The following EPG5 variants were observed in gnomAD, a reference collection of about 807,000 sequenced individuals.
EPG5 encodes ectopic P granules protein 5 homolog.
A neutral mutation model predicts 302.7 loss-of-function variants in EPG5; 159 were observed. That is an observed-to-expected ratio of 0.53 (90% CI 0.46 to 0.60). The LOEUF is 0.60. Ranked by LOEUF, EPG5 falls within the 20% of genes least tolerant of loss-of-function variation. EPG5 has a pLI of 0.00. For missense variants in EPG5, 2,896 were observed against 3,092.4 expected (o/e 0.94, Z 1.51); for synonymous variants, 1,158 against 1,136.8 (o/e 1.02, Z -0.37).
At position 45,916,157 on chromosome 18, in the gene EPG5, A is replaced by G; in HGVS notation, c.3434T>C (p.Val1145Ala). The G allele has an allele frequency of 6.2e-7, 1 of 1,614,098 alleles. No individual in the cohort carries two copies. Among genetic ancestry groups the G allele is most frequent in the African/African-American group, 1.3e-5 (1 of 75,046 alleles). ...GAGAGCCTGAACCCAGAACTCCAAC[A>G]CAGCAACGGGGCCCACTTCATTGGG... is the stretch of plus-strand genomic sequence containing the variant. Reference protein sequence around the residue: ...TQPNEVGPVAVLEFWVQALIS... With the variant: ...TQPNEVGPVAALEFWVQALIS... Residue 1145 changes from valine to alanine, a missense_variant, in exon 19 of 44, where the codon GTG becomes GCG. Physicochemically the swap from Val to Ala is moderately conservative, Grantham distance 64. Coordinates refer to ENST00000282041, the MANE Select transcript of EPG5 (RefSeq NM_020964.3).
chr18:45,913,711 G>A lies in EPG5; in HGVS notation c.3811C>T (p.Leu1271=). 6.2e-7 allele frequency: 1 copy of A among 1,614,064 alleles called. No homozygotes were observed. Among genetic ancestry groups the A allele is most frequent in the Non-Finnish European group, 8.5e-7 (1 of 1,179,974 alleles). ...TGCAGAACTGCTATTTGTACCTTCA[G>A]AGCTTGGTCAGGGGTGAAAGCAGAG... ...INSAFTPDQA[L]KKAQTQLKLP... is the part of the protein sequence containing the mutation. The change falls in exon 21 of 44, where the codon CTG becomes TTG. Residue 1271 remains leucine (L), a synonymous_variant. Transcript: ENST00000282041.
chr18:45,828,897 C>T, the EPG5 span, among the ~76,000 whole-genome samples: 5 of 152,320 alleles, frequency 3.3e-5, no homozygotes, highest in South Asian at 6.2e-4. Flanking sequence ...AGGTCAGGAC[C>T]GGAGGACATG....
At chr18:45,917,610 G>A in intron 17 of EPG5, 69 bp downstream of exon 17, 2 of 1,569,954 alleles carry the variant, frequency 1.3e-6, no homozygotes, top group South Asian at 1.2e-5. Flanking sequence ...TAAGAAACCA[G>A]AAGACACAAT....
rs2049301523 is a variant in EPG5, at chr18:45,889,797, C to T, written c.4952+1G>A. ...CAAATTATAATGCCTGCAAAACTTA[C>T]GTGATCAAGTTTTCTGCATGTACAG... On this transcript the variant is annotated splice_donor_variant, in intron 28 of 43. Transcript: ENST00000282041. LOFTEE classifies it high-confidence loss of function. 1 of 1,597,990 alleles carries T rather than the reference C, an allele frequency of 6.3e-7. No homozygotes were observed.
At position 45,955,302 on chromosome 18, in the gene EPG5, A is replaced by C; in HGVS notation, c.100T>G (p.Ser34Ala). Reference sequence around the variant, plus strand: ...GTTTTTGGAAGGGAGACTTCACTGGACTCTTCCCTCTGAGGAGTTTCATAC... The same window carrying C: ...GTTTTTGGAAGGGAGACTTCACTGGCCTCTTCCCTCTGAGGAGTTTCATAC... ...KKYETPQREE[S>A]SEVSLPKTSR... The change falls in exon 2 of 44, where the codon TCC (serine) becomes GCC (alanine). Residue 34 changes from serine (S) to alanine (A), a missense_variant. Physicochemically the swap from Ser to Ala is moderately conservative, Grantham distance 99. Transcript: ENST00000282041. 1 of 1,609,220 alleles carries C rather than the reference A, an allele frequency of 6.2e-7. No individual in the cohort carries two copies. The highest frequency in any genetic ancestry group is 8.5e-7 in the Non-Finnish European group (1 of 1,177,922).
At position 45,903,956 on chromosome 18, in the gene EPG5, G is replaced by A. The variant is rs780641027; in HGVS notation, c.4474+17C>T. On this transcript the variant is annotated intron_variant, in intron 25 of 43. Transcript: ENST00000282041. ...TTCATTCACTCATTCGAAGGGGCAGGTGCTCCCAGGACCCACCCAGCAAAG... is the reference window on the plus strand; with the variant it reads ...TTCATTCACTCATTCGAAGGGGCAGATGCTCCCAGGACCCACCCAGCAAAG... The A allele has an allele frequency of 3.8e-6, 6 of 1,592,404 alleles. No homozygotes were observed. Among genetic ancestry groups the A allele is most frequent in the Non-Finnish European group, 5.1e-6 (6 of 1,174,476 alleles).
chr18:45,830,752 ATTTTTTTTTT>A, the EPG5 span, among the ~76,000 whole-genome samples: 1 of 118,140 alleles, frequency 8.5e-6, no homozygotes, highest in East Asian at 2.5e-4. Context: ...TGCCAGGCTA[ATTTTTTTTTT>A]TTTTTTTTTG....
At position 45,879,000 on chromosome 18, in the gene EPG5, A is replaced by G. The variant is rs750598723; in HGVS notation, c.5869+13T>C. 4.3e-6 allele frequency: 7 copies of G among 1,610,642 alleles called. No homozygotes were observed. The African/African-American group carries it at 6.7e-5, about 15-fold the overall frequency. ...CAAACACCTAGCTCCACATCGCATG[A>G]GAAGTATATTACCTGTTTTCCTGCT... is the stretch of plus-strand genomic sequence containing the variant. On this transcript the variant is annotated intron_variant, in intron 33 of 43. Transcript: ENST00000282041.
rs1033299766 is a variant in EPG5, at chr18:45,912,355, G to A, written c.3918C>T (p.Pro1306=). The A allele has an allele frequency of 6.2e-7, 1 of 1,611,642 alleles. No homozygotes were observed. The highest frequency in any genetic ancestry group is 8.5e-7 in the Non-Finnish European group (1 of 1,179,128). The change falls in exon 22 of 44, where the codon CCC becomes CCT. Residue 1306 remains proline, a synonymous_variant. Coordinates refer to ENST00000282041, the MANE Select transcript of EPG5 (RefSeq NM_020964.3). Reference sequence around the variant, plus strand: ...ACTTCTGCCAAATGAGTGGCAGGAGGGGGTGATCAGAAGGTGTGACCAGAG... The same window carrying A: ...ACTTCTGCCAAATGAGTGGCAGGAGAGGGTGATCAGAAGGTGTGACCAGAG... The part of the protein sequence containing the change: ...HQALVTPSDH[P]LLPLIWQKFF...
chr18:45,846,837 C>T (rs1437039982), downstream of EPG5, among the ~76,000 whole-genome samples: 2 of 152,130 alleles, frequency 1.3e-5, no homozygotes, highest in African/African-American at 4.8e-5. Context: ...TGATTATATG[C>T]TAAACAAGGG....
intron 26 of EPG5, 93 bp downstream of exon 26, chr18:45,900,903 A>C (rs1320631744): frequency 7.2e-7 from 1 of 1,395,008 alleles, no homozygotes; most frequent in Non-Finnish European, 9.8e-7. Context: ...CATTGTAAAA[A>C]TGCTGACAAG....
chr18:45,826,298 T>A, the EPG5 span, among the ~76,000 whole-genome samples: 1 of 152,056 alleles, frequency 6.6e-6, no homozygotes, highest in Non-Finnish European at 1.5e-5. Flanking sequence ...GGGAACACTG[T>A]GGCAGGTTTA....
downstream of EPG5, among the ~76,000 whole-genome samples, chr18:45,845,633 C>T (rs139396744): frequency 7.9e-4 from 121 of 152,312 alleles, no homozygotes; most frequent in African/African-American, 2.7e-3. Context: ...TCCTGCGGCA[C>T]GGAGTCAAGG....
At chr18:45,943,781 C>T (rs1245615421) in intron 8 of EPG5, among the ~76,000 whole-genome samples, 1 of 151,952 alleles carries the variant, frequency 6.6e-6, no homozygotes, top group East Asian at 1.9e-4. Context: ...ATTAGCCGGG[C>T]GTGGTGGCGG....
At chr18:45,881,478 AC>A (rs2049096326) in intron 31 of EPG5, among the ~76,000 whole-genome samples, 1 of 152,364 alleles carries the variant, frequency 6.6e-6, no homozygotes, top group African/African-American at 2.4e-5. Flanking sequence ...GCAACCCGAT[AC>A]ACTGGATCAT....
At chr18:45,937,085 A>C (rs1408835223) in intron 10 of EPG5, among the ~76,000 whole-genome samples, 1 of 151,858 alleles carries the variant, frequency 6.6e-6, no homozygotes, top group African/African-American at 2.4e-5. Flanking sequence ...CTAACACTTC[A>C]CATGGGACCT....
chr18:45,842,313 C>A, the EPG5 span: 1 of 979,378 alleles, frequency 1.0e-6, no homozygotes, highest in African/African-American at 1.6e-5. Context: ...TGGCTCCTCC[C>A]CTGCTCAAGG....
the EPG5 span, among the ~76,000 whole-genome samples, chr18:45,800,671 G>T: frequency 2.0e-5 from 3 of 152,148 alleles, no homozygotes; most frequent in South Asian, 6.2e-4. Flanking sequence ...TCTCACTCTC[G>T]ATATTGGAGC....
chr18:45,872,026 T>A (rs1354814964), intron 35 of EPG5, among the ~76,000 whole-genome samples: 2 of 152,214 alleles, frequency 1.3e-5, no homozygotes, highest in East Asian at 1.9e-4. Flanking sequence ...AATCACACTG[T>A]ACCCATCAAT....
Sources: gnomAD v4.1 joint callset for allele counts (sites outside exome capture counted in the v4.1 genomes callset) on GRCh38, gnomAD v4.1.1 for gene constraint, MANE v1.5 for transcripts, NCBI Gene and HGNC (gene_info 2026-07-23, HGNC 2026-07-21) for gene names.